Variants in TARBP1 observed in about 807,000 individuals in gnomAD.
The protein encoded by TARBP1 is tRNA guanosine 2 -O-methyltransferase TARBP1.
A neutral mutation model predicts 178.6 loss-of-function variants in TARBP1; 144 were observed. The observed-to-expected ratio is 0.81, with a 90% CI of 0.70 to 0.93. The LOEUF (loss-of-function observed/expected upper bound fraction) is 0.93, where lower values mean the gene tolerates loss of function less well. Among genes scored for constraint, TARBP1 ranks in the 40% least tolerant of loss-of-function variants. The pLI is 0.00. For missense variants in TARBP1, 2,067 were observed against 2,011.7 expected (o/e 1.03, Z -0.53); for synonymous variants, 787 against 781.0 (o/e 1.01, Z -0.13).
In TARBP1 at chr1:234,448,576, C is replaced by T. The variant is rs767883948; in HGVS notation, c.1865G>A (p.Gly622Glu). Reference protein sequence around the residue: ...EYVKSSAWETGENCFMPDWFE... With the variant: ...EYVKSSAWETEENCFMPDWFE... ...CCAATCAGGCATAAAGCAGTTTTCT[C>T]CTGCTTAAATAACAACAGTTAAGGT... The change falls in exon 11 of 30, where the codon GGA becomes GAA. Residue 622 changes from glycine (G) to glutamate (E), a missense_variant. Coordinates refer to ENST00000040877, the MANE Select transcript of TARBP1 (RefSeq NM_005646.4). 1 of 1,613,418 alleles carries T rather than the reference C, an allele frequency of 6.2e-7. No individual in the cohort carries two copies. The highest frequency in any genetic ancestry group is 1.1e-5 in the South Asian group (1 of 91,060).
At chr1:234,434,636 T>G (rs1055982473) in intron 13 of TARBP1, among the ~76,000 whole-genome samples, 1 of 152,320 alleles carries the variant, frequency 6.6e-6, no homozygotes, top group East Asian at 1.9e-4. Context: ...GACACCATCA[T>G]AGAGCAAGCA....
At chr1:234,395,541 T>C (rs1426826987) in intron 26 of TARBP1, among the ~76,000 whole-genome samples, 14 of 152,156 alleles carry the variant, frequency 9.2e-5, no homozygotes, top group Admixed American at 9.2e-4. Flanking sequence ...ATACCATTAA[T>C]AGGGCATACA....
intron 21 of TARBP1, among the ~76,000 whole-genome samples, chr1:234,420,303 G>A (rs1369905899): frequency 6.6e-6 from 1 of 152,190 alleles, no homozygotes; most frequent in East Asian, 1.9e-4. Context: ...CATCCCAAAT[G>A]ATACAATTTG....
intron 1 of TARBP1, among the ~76,000 whole-genome samples, chr1:234,475,599 G>A (rs965369802): frequency 7.9e-5 from 12 of 152,228 alleles, no homozygotes; most frequent in African/African-American, 2.9e-4. Context: ...CTAAGTTGGA[G>A]GCAACGATTA....
rs1252345422 is a variant in TARBP1, at chr1:234,451,476, G to A, written c.1723-910C>T. On this transcript the variant is annotated intron_variant, in intron 9 of 29. Transcript: ENST00000040877. ...TAAAACTGATGAATGGGCCGGGCGC[G>A]GTGGCTCACGCCTGTAATCCCAGCA... is the stretch of plus-strand genomic sequence containing the variant. 1.7e-4 allele frequency among the ~76,000 whole-genome samples: 6 copies of A among 34,404 alleles called. 1 individual carries two copies. Among genetic ancestry groups the A allele is most frequent in the African/African-American group, 1.2e-3 (4 of 3,318 alleles). The allele number at this position is 34,404 out of a possible 152,430, so 22.6% of individuals were successfully genotyped here.
chr1:234,392,195 G>A lies in TARBP1; in HGVS notation c.4697+221C>T, dbSNP rs2103024661. On this transcript the variant is annotated intron_variant, in intron 29 of 29. Transcript: ENST00000040877. ...CCTAGCCAACATGGTGAAACCCTGG[G>A]TCTCGTGGAGCATGCCTGTAATCCC... 2.0e-5 allele frequency among the ~76,000 whole-genome samples: 3 copies of A among 152,258 alleles called. No individual in the cohort carries two copies. The South Asian group carries it at 6.2e-4, about 32-fold the overall frequency.
intron 20 of TARBP1, among the ~76,000 whole-genome samples, chr1:234,425,102 G>A (rs1269599090): frequency 2.0e-5 from 3 of 151,808 alleles, no homozygotes; most frequent in Non-Finnish European, 4.4e-5. Flanking sequence ...GTGGATGCCT[G>A]TAATCCCAGC....
intron 22 of TARBP1, among the ~76,000 whole-genome samples, chr1:234,415,599 C>T (rs1662330397): frequency 6.6e-6 from 1 of 152,150 alleles, no homozygotes; most frequent in African/African-American, 2.4e-5. Context: ...AACAAGAAGG[C>T]ACCTGACCCG....
intron 9 of TARBP1, among the ~76,000 whole-genome samples, chr1:234,453,178 C>T (rs553854896): frequency 1.6e-3 from 246 of 152,156 alleles, no homozygotes; most frequent in African/African-American, 5.7e-3. Context: ...TCAACTATGA[C>T]CTTTAGTTCA....
chr1:234,392,653 A>C (rs1659502142), intron 28 of TARBP1, 101 bp from the exon 29 acceptor site: 7 of 1,031,892 alleles, frequency 6.8e-6, no homozygotes, highest in Non-Finnish European at 8.5e-6. Flanking sequence ...TAACTCTTTA[A>C]AAGAAAAAGG....
intron 12 of TARBP1, among the ~76,000 whole-genome samples, chr1:234,438,557 T>C (rs968778613): frequency 1.3e-5 from 2 of 152,138 alleles, no homozygotes; most frequent in Non-Finnish European, 2.9e-5. Flanking sequence ...AGTCAGAACT[T>C]GAAAACAGAT....
chr1:234,457,801 G>A, intron 8 of TARBP1, 45 bp from the exon 9 acceptor site: 2 of 1,408,738 alleles, frequency 1.4e-6, no homozygotes, highest in Non-Finnish European at 2.0e-6. Flanking sequence ...GTATTAAAAT[G>A]TTTAATTGAA....
Position 234,460,335 on chromosome 1 carries a change from A to G in TARBP1, c.1461T>C (p.Ile487=). Residue 487 remains isoleucine, a synonymous_variant, in exon 7 of 30, where the codon ATT becomes ATC. Coordinates refer to ENST00000040877, the MANE Select transcript of TARBP1 (RefSeq NM_005646.4). The stretch of plus-strand genomic sequence containing the variant: ...TTGCCAAAGCCTTAGATAGAAACAA[A>G]ATGGGAACAGCACACCAATGCCTAC... ...MTSRHWCAVP[I]LFLSKALANV... is the part of the protein sequence containing the mutation. The G allele has an allele frequency of 6.2e-7, 1 of 1,614,250 alleles. No homozygotes were observed. The highest frequency in any genetic ancestry group is 1.1e-5 in the South Asian group (1 of 91,088).
intron 24 of TARBP1, 83 bp from the exon 25 acceptor site, chr1:234,401,345 T>TG: frequency 9.4e-7 from 1 of 1,066,876 alleles, no homozygotes; most frequent in Non-Finnish European, 1.4e-6. Flanking sequence ...TCTTAAAGGG[T>TG]GGCTGCAGAG....
chr1:234,463,853 A>C lies in TARBP1; in HGVS notation c.1383T>G (p.Leu461=). ...QKFLVTYISL[L]PEEIKSSFLL... ...GACACATACTCTTTATTTCTTCTGG[A>C]AGAAGAGAAATATAAGTGACTAAAA... The change falls in exon 6 of 30, where the codon CTT becomes CTG. Residue 461 remains leucine (L), a synonymous_variant. Coordinates refer to ENST00000040877, the MANE Select transcript of TARBP1 (RefSeq NM_005646.4). The C allele has an allele frequency of 3.2e-6, 5 of 1,575,440 alleles. No homozygotes were observed. Among genetic ancestry groups the C allele is most frequent in the Non-Finnish European group, 4.3e-6 (5 of 1,160,010 alleles).
chr1:234,442,842 A>G (rs1388720879), intron 12 of TARBP1, among the ~76,000 whole-genome samples: 1 of 152,202 alleles, frequency 6.6e-6, no homozygotes, highest in Non-Finnish European at 1.5e-5. Flanking sequence ...ATCCAATATT[A>G]TCATCCCTAC....
In TARBP1 at chr1:234,479,168, C is replaced by T. The variant is rs1669897087; in HGVS notation, c.-65G>A. ...AAGGCGCCGGCGTGTGCGATGCGTG[C>T]GCACAGGACCGGCCGGCCCCTACGT... On this transcript the variant is annotated 5_prime_UTR_variant, in exon 1 of 30. Coordinates refer to ENST00000040877, the MANE Select transcript of TARBP1 (RefSeq NM_005646.4). 5 of 1,387,402 alleles carry T rather than the reference C, an allele frequency of 3.6e-6. No homozygotes were observed. Among genetic ancestry groups the T allele is most frequent in the Non-Finnish European group, 3.7e-6 (4 of 1,075,052 alleles). The allele number at this position is 1,387,402 out of a possible 1,614,324, so 85.9% of individuals were successfully genotyped here. A position where few individuals can be genotyped will look rare whatever the true frequency, so the allele number is the denominator to read the frequency against.
intron 26 of TARBP1, among the ~76,000 whole-genome samples, chr1:234,394,884 G>A (rs1390298308): frequency 1.3e-5 from 2 of 152,034 alleles, no homozygotes; most frequent in African/African-American, 2.4e-5. Context: ...GAGGTCAGGA[G>A]TTTGAGACCA....
At chr1:234,461,651 T>A (rs142083444) in intron 6 of TARBP1, among the ~76,000 whole-genome samples, 9 of 152,170 alleles carry the variant, frequency 5.9e-5, no homozygotes, top group South Asian at 4.1e-4. Flanking sequence ...TTCTTCTATT[T>A]GAGATGTGAA....
Sources: gnomAD v4.1 joint callset for allele counts (sites outside exome capture counted in the v4.1 genomes callset) on GRCh38, gnomAD v4.1.1 for gene constraint, MANE v1.5 for transcripts, NCBI Gene and HGNC (gene_info 2026-07-23, HGNC 2026-07-21) for gene names.